Variants in GALNT10 observed in about 807,000 individuals in gnomAD.
GALNT10 encodes the protein polypeptide N-acetylgalactosaminyltransferase 10.
Under a neutral mutation model 75.0 loss-of-function variants are expected in GALNT10, and 41 were observed. The ratio of observed to expected loss-of-function variants is 0.55; its 90% CI spans 0.43 to 0.71. The LOEUF (loss-of-function observed/expected upper bound fraction) is 0.71, where lower values mean the gene tolerates loss of function less well. Among genes scored for constraint, GALNT10 ranks in the 30% least tolerant of loss-of-function variants. The probability of loss-of-function intolerance (pLI) is 0.00; values close to 1 mark genes in which losing one functional copy is unlikely to be tolerated. For missense variants in GALNT10, 727 were observed against 818.5 expected (o/e 0.89, Z 1.36); for synonymous variants, 302 against 313.0 (o/e 0.96, Z 0.37).
intron 4 of GALNT10, chr5:154,337,438 C>T (rs2113126626): frequency 1.5e-6 from 1 of 658,652 alleles, no homozygotes; most frequent in Non-Finnish European, 2.8e-6. Context: ...GCTATCCTCT[C>T]CTGCTAAGCT....
chr5:154,223,162 G>C (rs944753492), intron 1 of GALNT10, among the ~76,000 whole-genome samples: 2 of 152,180 alleles, frequency 1.3e-5, no homozygotes, highest in African/African-American at 2.4e-5. Context: ...ATCAGACATG[G>C]ACACTGTTCT....
rs1488250979 is a variant in GALNT10 at position 154,208,022 on chromosome 5, C to T, written c.159+16997C>T. ...AGACCAGACAAGGCAGAGGTGCTCCCAGGACAGCTCTCGAGGGGCCAGGGC... is the reference window on the plus strand; with the variant it reads ...AGACCAGACAAGGCAGAGGTGCTCCTAGGACAGCTCTCGAGGGGCCAGGGC... On this transcript the variant is annotated intron_variant, in intron 1 of 11. Transcript: ENST00000297107. Among the ~76,000 whole-genome samples the T allele has an allele frequency of 2.0e-5, 3 of 152,150 alleles. No homozygotes were observed. In the East Asian group the frequency reaches 5.8e-4, roughly 29 times the overall value.
In GALNT10 at chr5:154,329,691, C is replaced by T; in HGVS notation, c.521C>T (p.Pro174Leu). ...CACAGTGTGCTCAATCGCTCGCCTCCAGAGCTGGTCGCCGAGATTGTACTG... is the reference window on the plus strand; with the variant it reads ...CACAGTGTGCTCAATCGCTCGCCTCTAGAGCTGGTCGCCGAGATTGTACTG... The part of the protein sequence containing the change: ...TVHSVLNRSP[P>L]ELVAEIVLVD... Residue 174 changes from proline to leucine, a missense_variant, in exon 4 of 12, where the codon CCA becomes CTA. Coordinates refer to ENST00000297107, the MANE Select transcript of GALNT10 (RefSeq NM_198321.4). 6.2e-7 allele frequency: 1 copy of T among 1,613,800 alleles called. No individual in the cohort carries two copies.
chr5:154,380,372 A>G, intron 5 of GALNT10, 76 bp from the exon 6 acceptor site: 1 of 1,130,026 alleles, frequency 8.8e-7, no homozygotes, highest in Non-Finnish European at 1.3e-6. Context: ...AATACAAGTA[A>G]GCTGCAGAAC....
intron 3 of GALNT10, among the ~76,000 whole-genome samples, chr5:154,310,689 C>A (rs1357435068): frequency 2.0e-5 from 3 of 152,124 alleles, no homozygotes; most frequent in Non-Finnish European, 2.9e-5. Context: ...CCAGGCTGGT[C>A]TGGAACTCCT....
intron 7 of GALNT10, among the ~76,000 whole-genome samples, chr5:154,394,714 G>T (rs182277641): frequency 3.3e-5 from 5 of 152,266 alleles, no homozygotes; most frequent in African/African-American, 4.8e-5. Flanking sequence ...GCACCAGAAG[G>T]ATATCCAGGG....
At chr5:154,332,364 C>T (rs930985376) in intron 4 of GALNT10, among the ~76,000 whole-genome samples, 2 of 152,228 alleles carry the variant, frequency 1.3e-5, no homozygotes, top group South Asian at 2.1e-4. Flanking sequence ...AAGACCCAGC[C>T]ACAGCAGGGC....
At chr5:154,405,784 T>TG (rs1037431796) in intron 8 of GALNT10, among the ~76,000 whole-genome samples, 6 of 151,894 alleles carry the variant, frequency 4.0e-5, no homozygotes, top group Non-Finnish European at 8.8e-5. Flanking sequence ...AGGTCGAGGC[T>TG]GCAGTGAGCT....
chr5:154,387,805 T>C (rs1188953930), intron 7 of GALNT10: 1 of 147,214 alleles, frequency 6.8e-6, no homozygotes, highest in Non-Finnish European at 1.5e-5. Context: ...CTGGAGAACA[T>C]AAATTCTTGA....
Position 154,409,780 on chromosome 5 carries a change from G to A in GALNT10, c.1386+18G>A. The A allele has an allele frequency of 6.5e-7, 1 of 1,545,116 alleles. No homozygotes were observed. The highest frequency in any genetic ancestry group is 1.1e-5 in the South Asian group (1 of 89,664). On this transcript the variant is annotated intron_variant, in intron 9 of 11. Coordinates refer to ENST00000297107, the MANE Select transcript of GALNT10 (RefSeq NM_198321.4). This position sits in a 1 kb window ranked among gnomAD's most constrained non-coding sequence, Gnocchi z 4.5. The stretch of plus-strand genomic sequence containing the variant: ...GGGGGGAGGTGAGTCTGGAGGGCAG[G>A]GCTGGCTCCATAATTTAATGGGTGT...
intron 1 of GALNT10, among the ~76,000 whole-genome samples, chr5:154,196,323 A>G (rs1561625224): frequency 6.6e-6 from 1 of 152,224 alleles, no homozygotes; most frequent in Non-Finnish European, 1.5e-5. Context: ...TGGCACCATT[A>G]CTGCTATCCC....
intron 8 of GALNT10, among the ~76,000 whole-genome samples, chr5:154,408,971 T>G (rs1372103901): frequency 6.6e-6 from 1 of 152,200 alleles, no homozygotes; most frequent in Non-Finnish European, 1.5e-5. Flanking sequence ...TGGGTTGATT[T>G]CATCCTTGGA....
intron 4 of GALNT10, among the ~76,000 whole-genome samples, chr5:154,375,066 A>G (rs1185776851): frequency 6.6e-6 from 1 of 152,220 alleles, no homozygotes; most frequent in Non-Finnish European, 1.5e-5. Context: ...TGAATGTGGC[A>G]AAAATCTAGA....
intron 3 of GALNT10, among the ~76,000 whole-genome samples, chr5:154,307,437 G>A (rs1754450177): frequency 6.6e-6 from 1 of 151,970 alleles, no homozygotes; most frequent in Non-Finnish European, 1.5e-5. Flanking sequence ...TGGCTAACAT[G>A]GTGAAACCCC....
intron 1 of GALNT10, among the ~76,000 whole-genome samples, chr5:154,215,490 CA>C (rs980124722): frequency 6.6e-6 from 1 of 152,120 alleles, no homozygotes; most frequent in African/African-American, 2.4e-5. Flanking sequence ...TCTCAAAAAA[CA>C]AAAAACAAAA....
intron 4 of GALNT10, among the ~76,000 whole-genome samples, chr5:154,353,427 T>G (rs1755241523): frequency 6.6e-6 from 1 of 152,018 alleles, no homozygotes; most frequent in Non-Finnish European, 1.5e-5. Context: ...AAAAAGGACT[T>G]TCGTCCTCAG....
chr5:154,218,667 A>G (rs563649563), intron 1 of GALNT10, among the ~76,000 whole-genome samples: 1 of 152,228 alleles, frequency 6.6e-6, no homozygotes, highest in Non-Finnish European at 1.5e-5. Flanking sequence ...CGTTAAAACC[A>G]CCTGGCAGCT....
At chr5:154,398,241 T>A (rs992211251) in intron 7 of GALNT10, among the ~76,000 whole-genome samples, 6 of 152,218 alleles carry the variant, frequency 3.9e-5, no homozygotes, top group African/African-American at 1.4e-4. Context: ...AGCAGACAGC[T>A]GCATCCCCCT....
chr5:154,203,211 C>T (rs1775053866), intron 1 of GALNT10, among the ~76,000 whole-genome samples: 1 of 152,158 alleles, frequency 6.6e-6, no homozygotes, highest in Admixed American at 6.5e-5. Flanking sequence ...TCTCAGGCCT[C>T]TCCCCTCTCT....
Sources: gnomAD v4.1 joint callset for allele counts (sites outside exome capture counted in the v4.1 genomes callset) on GRCh38, gnomAD v4.1.1 for gene constraint, Gnocchi (gnomAD v3.1) non-coding constraint, MANE v1.5 for transcripts, NCBI Gene and HGNC (gene_info 2026-07-23, HGNC 2026-07-21) for gene names.